NPSR1: variants seen among roughly 807,000 people sequenced by gnomAD.
NPSR1 encodes the protein neuropeptide S receptor 1, also known as neuropeptide S receptor.
Under a neutral mutation model 46.9 loss-of-function variants are expected in NPSR1, and 48 were observed. The observed-to-expected ratio is 1.02, with a 90% CI of 0.81 to 1.30. The LOEUF (loss-of-function observed/expected upper bound fraction) is 1.30. Among genes scored for constraint, NPSR1 ranks in the 50% most tolerant of loss-of-function variants. NPSR1 has a pLI of 0.00. For missense variants in NPSR1, 450 were observed against 449.5 expected, an observed-to-expected ratio of 1.00 and a Z score of -0.01; for synonymous variants, 176 against 168.1, an observed-to-expected ratio of 1.05 and a Z score of -0.36.
At chr7:34,721,610 G>C (rs1783862070) in intron 2 of NPSR1, among the ~76,000 whole-genome samples, 1 of 152,120 alleles carries the variant, frequency 6.6e-6, no homozygotes, top group African/African-American at 2.4e-5. Context: ...CAAAGTTTCA[G>C]GTAGCACAAA....
chr7:34,766,287 G>A (rs1048072436), intron 2 of NPSR1, among the ~76,000 whole-genome samples: 1 of 151,956 alleles, frequency 6.6e-6, no homozygotes, highest in Non-Finnish European at 1.5e-5. Flanking sequence ...AAAACTGCTG[G>A]GCAGTTTTTT....
chr7:34,737,466 T>A (rs1784732378), intron 2 of NPSR1, among the ~76,000 whole-genome samples: 1 of 152,206 alleles, frequency 6.6e-6, no homozygotes. Context: ...ATACTCACTG[T>A]AGTCAATTCC....
chr7:34,744,989 A>T (rs1338875592), intron 2 of NPSR1, among the ~76,000 whole-genome samples: 2 of 152,238 alleles, frequency 1.3e-5, no homozygotes, highest in Admixed American at 1.3e-4. Flanking sequence ...TTGTATTAGG[A>T]ATTAAAAGTA....
chr7:34,760,173 C>A lies in NPSR1; in HGVS notation c.281-18289C>A, dbSNP rs147950360. Among the ~76,000 whole-genome samples, 3 of 152,274 alleles carry A rather than the reference C, an allele frequency of 2.0e-5. No homozygotes were observed. The East Asian group carries it at 5.8e-4, about 29-fold the overall frequency. ...AAGAAAGCCTCTACTTCTTATGTGT[C>A]AATTTTTGCAGAAAACATTATTCTA... is the stretch of plus-strand genomic sequence containing the variant. On this transcript the variant is annotated intron_variant, in intron 2 of 8. Coordinates refer to ENST00000360581, the MANE Select transcript of NPSR1 (RefSeq NM_207172.2).
intron 2 of NPSR1, among the ~76,000 whole-genome samples, chr7:34,713,894 A>G (rs1168963701): frequency 6.6e-6 from 1 of 152,264 alleles, no homozygotes; most frequent in East Asian, 1.9e-4. Context: ...AGGGAACATC[A>G]TTCACATGAA....
chr7:34,729,273 G>A (rs1010856487), intron 2 of NPSR1, among the ~76,000 whole-genome samples: 3 of 152,022 alleles, frequency 2.0e-5, no homozygotes, highest in African/African-American at 7.2e-5. Context: ...TCCCCTTTGT[G>A]CCTTGAAATT....
In NPSR1 at chr7:34,684,568, C is replaced by T. The variant is rs762509036; in HGVS notation, c.164C>T (p.Thr55Ile). The T allele has an allele frequency of 1.2e-6, 2 of 1,613,650 alleles. No homozygotes were observed. The highest frequency in any genetic ancestry group is 1.7e-6 in the Non-Finnish European group (2 of 1,179,770). The change falls in exon 2 of 9, where the codon ACT becomes ATT. Residue 55 changes from threonine to isoleucine, a missense_variant. By Grantham distance (89) the Thr-to-Ile change is moderately conservative. Coordinates refer to ENST00000360581, the MANE Select transcript of NPSR1 (RefSeq NM_207172.2). ...YYSFKTEQLITLWVLFVFTIV... is the reference protein window; with the variant it reads ...YYSFKTEQLIILWVLFVFTIV... ...TTCTTGCAGACTGAGCAATTGATAA[C>T]TCTGTGGGTCCTCTTTGTTTTTACC...
chr7:34,743,811 C>T (rs1363590540), intron 2 of NPSR1, among the ~76,000 whole-genome samples: 1 of 152,016 alleles, frequency 6.6e-6, no homozygotes, highest in Non-Finnish European at 1.5e-5. Flanking sequence ...TTCAAAAGTA[C>T]CAGGCTTGTC....
chr7:34,855,773 A>T (rs532436585), intron 8 of NPSR1, among the ~76,000 whole-genome samples: 2 of 152,300 alleles, frequency 1.3e-5, no homozygotes, highest in African/African-American at 4.8e-5. Flanking sequence ...CCAAAAAAAA[A>T]TTACCAATCA....
At chr7:34,812,491 A>G (rs545043493) in intron 4 of NPSR1, among the ~76,000 whole-genome samples, 1 of 152,320 alleles carries the variant, frequency 6.6e-6, no homozygotes, top group East Asian at 1.9e-4. Flanking sequence ...AACAGGCTGC[A>G]TCAATGTGGA....
intron 2 of NPSR1, among the ~76,000 whole-genome samples, chr7:34,729,201 T>C (rs1193730651): frequency 2.0e-5 from 3 of 152,150 alleles, no homozygotes; most frequent in African/African-American, 7.2e-5. Flanking sequence ...GCCTACAGAC[T>C]GCTTGGCCTT....
At chr7:34,752,167 G>A (rs567905686) in intron 2 of NPSR1, 1 of 388,786 alleles carries the variant, frequency 2.6e-6, no homozygotes, top group South Asian at 2.6e-5. Flanking sequence ...ATGTCTACGT[G>A]TAAGGTATGC....
intron 8 of NPSR1, among the ~76,000 whole-genome samples, chr7:34,875,207 T>C (rs1018663464): frequency 1.3e-5 from 2 of 152,194 alleles, no homozygotes; most frequent in African/African-American, 4.8e-5. Context: ...ACATAAGTAA[T>C]TAAAGGTCAA....
At chr7:34,859,802 T>C (rs181328644) in intron 8 of NPSR1, among the ~76,000 whole-genome samples, 43 of 151,926 alleles carry the variant, frequency 2.8e-4, no homozygotes, top group African/African-American at 4.1e-4. Flanking sequence ...TCTGTATTTA[T>C]AGCAACTCAC....
At chr7:34,842,242 A>G (rs533719640) in intron 6 of NPSR1, among the ~76,000 whole-genome samples, 1 of 152,216 alleles carries the variant, frequency 6.6e-6, no homozygotes, top group Non-Finnish European at 1.5e-5. Flanking sequence ...CGATTTGCCT[A>G]AGTTTACAAA....
At chr7:34,820,653 C>T (rs1431466858) in intron 4 of NPSR1, among the ~76,000 whole-genome samples, 1 of 151,876 alleles carries the variant, frequency 6.6e-6, no homozygotes, top group African/African-American at 2.4e-5. Context: ...CATTTTAGGG[C>T]GACATGAACC....
chr7:34,875,592 C>A (rs527265735), intron 8 of NPSR1, among the ~76,000 whole-genome samples: 1 of 152,276 alleles, frequency 6.6e-6, no homozygotes, highest in East Asian at 1.9e-4. Flanking sequence ...CAAGCGCTCC[C>A]TGAGAGGGTG....
chr7:34,795,293 A>G (rs1166017525), intron 3 of NPSR1, among the ~76,000 whole-genome samples: 3 of 152,184 alleles, frequency 2.0e-5, no homozygotes, highest in African/African-American at 7.2e-5. Flanking sequence ...ACATCTACAA[A>G]ACAGCCTTCA....
intron 2 of NPSR1, among the ~76,000 whole-genome samples, chr7:34,712,930 T>C (rs781550137): frequency 6.6e-6 from 1 of 152,224 alleles, no homozygotes; most frequent in Non-Finnish European, 1.5e-5. Context: ...TCTCACTGGA[T>C]GGTACAGCTT....
Sources: gnomAD v4.1 joint callset for allele counts (sites outside exome capture counted in the v4.1 genomes callset) on GRCh38, gnomAD v4.1.1 for gene constraint, MANE v1.5 for transcripts, NCBI Gene and HGNC (gene_info 2026-07-23, HGNC 2026-07-21) for gene names.